Variants in PLCL1 observed in about 807,000 individuals in gnomAD.
PLCL1 encodes inactive phospholipase C-like protein 1.
In PLCL1, 41 loss-of-function variants were observed where a neutral mutation model predicts 84.4. That is an observed-to-expected ratio of 0.49 (90% CI 0.38 to 0.63). PLCL1 has a LOEUF of 0.63. Among genes scored for constraint, PLCL1 ranks in the 30% least tolerant of loss-of-function variants. The pLI is 0.00. For missense variants in PLCL1, 1,206 were observed against 1,367.8 expected (o/e 0.88, Z 1.87); for synonymous variants, 490 against 488.3 (o/e 1.00, Z -0.05).
chr2:197,894,479 G>C (rs985552122), intron 1 of PLCL1, among the ~76,000 whole-genome samples: 1 of 151,946 alleles, frequency 6.6e-6, no homozygotes, highest in Non-Finnish European at 1.5e-5. Flanking sequence ...AGAAGAGAAG[G>C]GGTGCTGGAT....
At chr2:197,892,530 A>G (rs1341234102) in intron 1 of PLCL1, among the ~76,000 whole-genome samples, 2 of 152,234 alleles carry the variant, frequency 1.3e-5, no homozygotes, top group Non-Finnish European at 1.5e-5. Flanking sequence ...AATAGCTTCA[A>G]GCAACAGAAG....
Position 197,805,007 on chromosome 2 carries a change from G to A in PLCL1, c.-93G>A, listed in dbSNP as rs896210458. 8 of 1,339,246 alleles carry A rather than the reference G, an allele frequency of 6.0e-6. No homozygotes were observed. Among genetic ancestry groups the A allele is most frequent in the African/African-American group, 4.7e-5 (3 of 64,152 alleles). The allele number at this position is 1,339,246 out of a possible 1,614,324, so 83.0% of individuals were successfully genotyped here. A position where few individuals can be genotyped will look rare whatever the true frequency, so the allele number is the denominator to read the frequency against. On this transcript the variant is annotated 5_prime_UTR_variant, in exon 1 of 6. Transcript: ENST00000428675. The surrounding 1 kb of genome is among the most constrained non-coding windows in gnomAD (Gnocchi z 4.0). ...CGGTGAAACAAAGTCTGGCGGGGCC[G>A]CCTCCCGGTGCAGGAGCGCACCGGT...
intron 1 of PLCL1, among the ~76,000 whole-genome samples, chr2:197,993,867 G>A (rs1288771592): frequency 6.6e-6 from 1 of 152,136 alleles, no homozygotes; most frequent in Non-Finnish European, 1.5e-5. Flanking sequence ...GGTGGAGGCT[G>A]GGTCTACAGT....
intron 1 of PLCL1, among the ~76,000 whole-genome samples, chr2:198,051,820 T>C (rs529200268): frequency 1.4e-3 from 213 of 151,146 alleles, no homozygotes; most frequent in African/African-American, 4.9e-3. Flanking sequence ...CTGCAACCTG[T>C]CTCCTGGGTT....
intron 5 of PLCL1, among the ~76,000 whole-genome samples, chr2:198,133,527 A>T (rs1460628773): frequency 7.2e-6 from 1 of 138,222 alleles, no homozygotes; most frequent in Non-Finnish European, 1.5e-5. Context: ...AAAGTATAAT[A>T]AAAAAAAAAA....
chr2:198,034,835 G>C (rs972884937), intron 1 of PLCL1, among the ~76,000 whole-genome samples: 2 of 152,286 alleles, frequency 1.3e-5, no homozygotes, highest in East Asian at 3.9e-4. Flanking sequence ...ACTTAGATCA[G>C]TTCTTCGGTA....
At position 198,148,706 on chromosome 2, in the gene PLCL1, A is replaced by T. The variant is rs1694582954; in HGVS notation, c.*1744A>T. ...GTGGTGAAAAAGAGGTTCTATAGAC[A>T]GAAACAAAACCCACCTTACATCAGC... On this transcript the variant is annotated 3_prime_UTR_variant, in exon 6 of 6. Transcript: ENST00000428675. 1 of 152,320 alleles carries T rather than the reference A, an allele frequency of 6.6e-6. No individual in the cohort carries two copies. Among genetic ancestry groups the T allele is most frequent in the Non-Finnish European group, 1.5e-5 (1 of 68,022 alleles). 9.4% of individuals were successfully genotyped at this position (152,320 alleles called of 1,614,324 possible). A position where few individuals can be genotyped will look rare whatever the true frequency, so the allele number is the denominator to read the frequency against.
intron 1 of PLCL1, among the ~76,000 whole-genome samples, chr2:197,899,659 G>A (rs1311003496): frequency 3.7e-4 from 46 of 124,848 alleles, no homozygotes; most frequent in African/African-American, 1.2e-3. Flanking sequence ...TTTTTGAGAC[G>A]GAGTCTCGCT....
chr2:197,994,595 C>G (rs1224216835), intron 1 of PLCL1, among the ~76,000 whole-genome samples: 2 of 152,222 alleles, frequency 1.3e-5, no homozygotes, highest in East Asian at 1.9e-4. Flanking sequence ...TGAAATTTAT[C>G]CAAGTATCTC....
At chr2:198,010,177 C>T (rs1189673673) in intron 1 of PLCL1, among the ~76,000 whole-genome samples, 4 of 151,924 alleles carry the variant, frequency 2.6e-5, no homozygotes, top group African/African-American at 9.7e-5. Context: ...TGTCTAATTG[C>T]TCTGGTAAGA....
At chr2:198,070,755 T>C (rs1386806912) in intron 1 of PLCL1, among the ~76,000 whole-genome samples, 1 of 151,950 alleles carries the variant, frequency 6.6e-6, no homozygotes. Flanking sequence ...GTTCTACTTA[T>C]GACTCAAAAA....
intron 1 of PLCL1, among the ~76,000 whole-genome samples, chr2:197,973,115 G>T (rs1689903707): frequency 6.6e-6 from 1 of 152,170 alleles, no homozygotes; most frequent in African/African-American, 2.4e-5. Flanking sequence ...ATCTGCTCAG[G>T]TTCTTTAAGA....
intron 1 of PLCL1, among the ~76,000 whole-genome samples, chr2:197,840,390 C>A (rs948258842): frequency 6.6e-6 from 1 of 152,002 alleles, no homozygotes; most frequent in Non-Finnish European, 1.5e-5. Context: ...TTAATATTGT[C>A]AGTTTTAGAA....
At chr2:197,807,144 T>C (rs1358177359) in intron 1 of PLCL1, among the ~76,000 whole-genome samples, 2 of 152,210 alleles carry the variant, frequency 1.3e-5, no homozygotes, top group African/African-American at 4.8e-5. Flanking sequence ...ATTGGAAAAG[T>C]AGCACATACA....
At chr2:197,955,493 G>A (rs1272725093) in intron 1 of PLCL1, among the ~76,000 whole-genome samples, 1 of 148,696 alleles carries the variant, frequency 6.7e-6, no homozygotes, top group Non-Finnish European at 1.5e-5. Flanking sequence ...ATAAGTATAT[G>A]TGTACCATGG....
rs541877247 is a variant in PLCL1 at position 197,972,204 on chromosome 2, G to A, written c.241-111554G>A. On this transcript the variant is annotated intron_variant, in intron 1 of 5. Coordinates refer to ENST00000428675, the MANE Select transcript of PLCL1 (RefSeq NM_006226.4). ...CATGAGGGCACATGCTGAGTAATAT[G>A]TTTTTGAGGCAGGCTGCCAAGTTTC... 2.0e-5 allele frequency among the ~76,000 whole-genome samples: 3 copies of A among 152,322 alleles called. No homozygotes were observed. The South Asian group carries it at 6.2e-4, about 32-fold the overall frequency.
chr2:197,846,136 GTA>G (rs529946442), intron 1 of PLCL1, among the ~76,000 whole-genome samples: 96 of 152,228 alleles, frequency 6.3e-4, no homozygotes, highest in African/African-American at 2.2e-3. Flanking sequence ...AAAATAGGCT[GTA>G]TATACACTTT....
At chr2:198,068,893 G>C (rs1692380598) in intron 1 of PLCL1, among the ~76,000 whole-genome samples, 1 of 151,988 alleles carries the variant, frequency 6.6e-6, no homozygotes, top group South Asian at 2.1e-4. Flanking sequence ...CGTGGTGGCA[G>C]GCGCAGTGGC....
At chr2:197,881,989 C>A (rs928623410) in intron 1 of PLCL1, among the ~76,000 whole-genome samples, 7 of 152,068 alleles carry the variant, frequency 4.6e-5, no homozygotes, top group Admixed American at 6.6e-5. Context: ...TAACATAGAA[C>A]CTCGTATACA....
Sources: gnomAD v4.1 joint callset for allele counts (sites outside exome capture counted in the v4.1 genomes callset) on GRCh38, gnomAD v4.1.1 for gene constraint, Gnocchi (gnomAD v3.1) non-coding constraint, MANE v1.5 for transcripts, NCBI Gene and HGNC (gene_info 2026-07-23, HGNC 2026-07-21) for gene names.